MLXIP: variants seen among roughly 807,000 people sequenced by gnomAD.
MLXIP encodes the protein MLX-interacting protein.
MLXIP carries 30 observed loss-of-function variants against 87.2 expected under a neutral mutation model. The ratio of observed to expected loss-of-function variants is 0.34; its 90% CI spans 0.26 to 0.47. MLXIP has a LOEUF of 0.47. Among genes scored for constraint, MLXIP ranks in the 20% least tolerant of loss-of-function variants. The pLI, the probability that MLXIP is intolerant of heterozygous loss-of-function variation, is 1.00. For synonymous variants in MLXIP, 530 were observed against 514.0 expected (o/e 1.03, Z -0.42); for missense variants, 1,002 against 1,240.1 (o/e 0.81, Z 2.88).
At chr12:122,123,347 T>C (rs1222424187) in intron 1 of MLXIP, among the ~76,000 whole-genome samples, 2 of 152,112 alleles carry the variant, frequency 1.3e-5, no homozygotes, top group African/African-American at 2.4e-5. Flanking sequence ...GGATTTTGAG[T>C]TGGACGCCCT....
intron 1 of MLXIP, among the ~76,000 whole-genome samples, chr12:122,082,806 A>G (rs1952110366): frequency 6.6e-6 from 1 of 152,162 alleles, no homozygotes; most frequent in Non-Finnish European, 1.5e-5. Flanking sequence ...AATGTCACAC[A>G]TGTATATCCT....
chr12:122,132,743 A>G (rs1304659444), intron 8 of MLXIP: 1 of 198,180 alleles, frequency 5.0e-6, no homozygotes, highest in Admixed American at 6.3e-5. Flanking sequence ...TTACTAAGCA[A>G]TCCAAAAAGT....
At chr12:122,124,990 A>C (rs1011121074) in intron 1 of MLXIP, among the ~76,000 whole-genome samples, 7 of 152,192 alleles carry the variant, frequency 4.6e-5, no homozygotes, top group African/African-American at 1.7e-4. Flanking sequence ...AACATGATGA[A>C]ATCCCATCTC....
rs932192452 is a variant in MLXIP at position 122,133,622 on chromosome 12, C to T, written c.1367C>T (p.Pro456Leu). Residue 456 changes from proline to leucine, a missense_variant, in exon 9 of 17, where the codon CCT (proline) becomes CTT (leucine). Coordinates refer to ENST00000319080, the MANE Select transcript of MLXIP (RefSeq NM_014938.6). This position sits in a 1 kb window ranked among gnomAD's most constrained non-coding sequence, Gnocchi z 4.9. ...ISPVLPLVPPPATALNPPAPP... is the reference protein window; with the variant it reads ...ISPVLPLVPPLATALNPPAPP... ...CCCGTGTTACCATTAGTTCCTCCTC[C>T]TGCCACTGCCCTGAACCCCCCGGCT... 6 of 1,612,494 alleles carry T rather than the reference C, an allele frequency of 3.7e-6. No homozygotes were observed. The highest frequency in any genetic ancestry group is 4.2e-6 in the Non-Finnish European group (5 of 1,179,436).
At chr12:122,088,809 T>G (rs896453743) in intron 1 of MLXIP, among the ~76,000 whole-genome samples, 64 of 151,862 alleles carry the variant, frequency 4.2e-4, no homozygotes, top group Non-Finnish European at 7.5e-4. Flanking sequence ...AAAAACAGCT[T>G]CTTATGTAGA....
At chr12:122,140,814 C>G in intron 15 of MLXIP, 140 bp from the exon 16 acceptor site, 1 of 1,328,418 alleles carries the variant, frequency 7.5e-7, no homozygotes. Flanking sequence ...AGATCTCTCC[C>G]TCTTTTCCCC....
At chr12:122,102,575 A>G (rs1952453461) in intron 1 of MLXIP, among the ~76,000 whole-genome samples, 1 of 152,240 alleles carries the variant, frequency 6.6e-6, no homozygotes, top group Admixed American at 6.5e-5. Context: ...CCCAAGAGAA[A>G]TGAAAATATA....
chr12:122,129,766 G>A (rs1262636098), intron 5 of MLXIP, 137 bp downstream of exon 5: 2 of 1,327,386 alleles, frequency 1.5e-6, no homozygotes, highest in Admixed American at 4.1e-5. Context: ...TCAAGAAGCA[G>A]TCCAGCTCTC....
chr12:122,083,619 G>A (rs1444654265), intron 1 of MLXIP, among the ~76,000 whole-genome samples: 3 of 152,100 alleles, frequency 2.0e-5, no homozygotes, highest in Admixed American at 2.0e-4. Context: ...TCTCCATGTT[G>A]GTCAGGCTGG....
chr12:122,082,822 C>T (rs1244529103), intron 1 of MLXIP, among the ~76,000 whole-genome samples: 1 of 152,140 alleles, frequency 6.6e-6, no homozygotes, highest in Non-Finnish European at 1.5e-5. Flanking sequence ...ATCCTTCACA[C>T]AGAATTTCCT....
chr12:122,103,200 T>C (rs1359672546), intron 1 of MLXIP, among the ~76,000 whole-genome samples: 2 of 14,150 alleles, frequency 1.4e-4, no homozygotes, highest in Non-Finnish European at 2.7e-4. Flanking sequence ...TGTATGTATG[T>C]ATTTATTTAT....
chr12:122,082,745 T>A (rs1952109550), intron 1 of MLXIP, among the ~76,000 whole-genome samples: 1 of 152,254 alleles, frequency 6.6e-6, no homozygotes, highest in Non-Finnish European at 1.5e-5. Flanking sequence ...ACAATGGAGC[T>A]ATGTACTGTA....
At position 122,142,209 on chromosome 12, in the gene MLXIP, C is replaced by T. The variant is rs769786342; in HGVS notation, c.*397C>T. Reference sequence around the variant, plus strand: ...CTCCTGTCCTGAGGCCCAGCCTTGTCCCTCCTGCCACGTCCTGTCCACATG... The same window carrying T: ...CTCCTGTCCTGAGGCCCAGCCTTGTTCCTCCTGCCACGTCCTGTCCACATG... On this transcript the variant is annotated 3_prime_UTR_variant, in exon 17 of 17. Coordinates refer to ENST00000319080, the MANE Select transcript of MLXIP (RefSeq NM_014938.6). The T allele has an allele frequency of 6.0e-5, 42 of 700,910 alleles. No individual in the cohort carries two copies. The highest frequency in any genetic ancestry group is 5.6e-4 in the African/African-American group (32 of 57,258). The allele number at this position is 700,910 out of a possible 1,614,324, so 43.4% of individuals were successfully genotyped here.
intron 1 of MLXIP, among the ~76,000 whole-genome samples, chr12:122,088,329 G>A (rs1391660925): frequency 2.0e-5 from 3 of 152,272 alleles, no homozygotes; most frequent in African/African-American, 4.8e-5. Flanking sequence ...GAATACCCTA[G>A]AGACCTCTCC....
At chr12:122,141,568 C>A in intron 16 of MLXIP, 123 bp from the exon 17 acceptor site, 2 of 1,468,734 alleles carry the variant, frequency 1.4e-6, no homozygotes, top group Non-Finnish European at 1.8e-6. Flanking sequence ...TCCCTGCAGT[C>A]CAGCATGGCT....
rs546433484 is a variant in MLXIP at position 122,117,797 on chromosome 12, C to T, written c.414-9459C>T. 1.6e-4 allele frequency among the ~76,000 whole-genome samples: 25 copies of T among 152,248 alleles called. 1 individual carries two copies. The East Asian group carries it at 3.3e-3, about 20-fold the overall frequency. On this transcript the variant is annotated intron_variant, in intron 1 of 16. Transcript: ENST00000319080. ...ACAGTACATTTTTTTCACATGTTAG[C>T]TCTATACTTGTGATAAAGCTTAATT...
intron 1 of MLXIP, among the ~76,000 whole-genome samples, chr12:122,080,504 C>G (rs1952075605): frequency 6.6e-6 from 1 of 152,186 alleles, no homozygotes. Context: ...ATGGCACCCC[C>G]CTCACCGCCG....
At chr12:122,101,362 A>G (rs567734478) in intron 1 of MLXIP, among the ~76,000 whole-genome samples, 1 of 149,772 alleles carries the variant, frequency 6.7e-6, no homozygotes, top group East Asian at 1.9e-4. Flanking sequence ...TCCTGTGCCC[A>G]TGTAGGTAAA....
At chr12:122,126,635 G>A (rs766240338) in intron 1 of MLXIP, among the ~76,000 whole-genome samples, 16 of 152,190 alleles carry the variant, frequency 1.1e-4, no homozygotes, top group Non-Finnish European at 2.1e-4. Flanking sequence ...CCACGACCAG[G>A]TCACAGGAGC....
Sources: allele counts gnomAD v4.1 joint callset (sites outside exome capture counted in the v4.1 genomes callset), GRCh38; gene constraint gnomAD v4.1.1; non-coding constraint Gnocchi (gnomAD v3.1); transcripts MANE v1.5; gene names NCBI Gene and HGNC (gene_info 2026-07-23, HGNC 2026-07-21).